RBFOX1: variants seen among roughly 807,000 people sequenced by gnomAD.
RBFOX1 encodes RNA binding protein fox-1 homolog 1.
RBFOX1 carries 8 observed loss-of-function variants against 57.7 expected under a neutral mutation model. That is an observed-to-expected ratio of 0.14 (90% confidence interval 0.08 to 0.25). RBFOX1 has a LOEUF of 0.25. Among genes scored for constraint, RBFOX1 ranks in the 10% least tolerant of loss-of-function variants. The probability of loss-of-function intolerance (pLI) is 1.00; values close to 1 mark genes in which losing one functional copy is unlikely to be tolerated. For missense variants in RBFOX1, 611 were observed against 548.5 expected (o/e 1.11, Z -1.14); for synonymous variants, 326 against 222.4 (o/e 1.47, Z -4.15).
chr16:7,056,774 C>G (rs2052434896), intron 4 of RBFOX1, among the ~76,000 whole-genome samples: 3 of 152,092 alleles, frequency 2.0e-5, no homozygotes, highest in Admixed American at 6.5e-5. Context: ...TAGAAAACTA[C>G]TAGGTAGCCA....
chr16:5,302,135 TGTCTTTTGGTTATCATACA>T (rs1192682895), intron 1 of RBFOX1, among the ~76,000 whole-genome samples: 1 of 152,186 alleles, frequency 6.6e-6, no homozygotes, highest in African/African-American at 2.4e-5. Context: ...TTCAATATAT[TGTCTTTTGGTTATCATACA>T]GTTCAAAGTA....
intron 3 of RBFOX1, among the ~76,000 whole-genome samples, chr16:6,784,050 T>C (rs920023453): frequency 1.9e-4 from 29 of 152,162 alleles, no homozygotes; most frequent in African/African-American, 6.8e-4. Context: ...TATTTTCTCC[T>C]GCTACTCTTA....
chr16:5,740,690 A>G (rs902276333), intron 3 of RBFOX1, among the ~76,000 whole-genome samples: 2 of 152,188 alleles, frequency 1.3e-5, no homozygotes, highest in South Asian at 4.1e-4. Context: ...TCTACTTCCC[A>G]TATCTCAGTA....
intron 3 of RBFOX1, among the ~76,000 whole-genome samples, chr16:6,715,784 C>G (rs1178265454): frequency 6.6e-6 from 1 of 152,132 alleles, no homozygotes; most frequent in Non-Finnish European, 1.5e-5. Context: ...CATTTTAAAC[C>G]CTTTCAGCTA....
chr16:6,435,630 C>G (rs1338797254), intron 2 of RBFOX1, among the ~76,000 whole-genome samples: 7 of 152,078 alleles, frequency 4.6e-5, no homozygotes, highest in African/African-American at 1.7e-4. Flanking sequence ...AGCATCTACC[C>G]CCAGCAAGAT....
chr16:5,761,216 G>C (rs1248589997), intron 3 of RBFOX1, among the ~76,000 whole-genome samples: 1 of 152,150 alleles, frequency 6.6e-6, no homozygotes, highest in Non-Finnish European at 1.5e-5. Flanking sequence ...ACATGGTGAT[G>C]CACATCTTGT....
chr16:6,789,222 A>G (rs1378577250), intron 3 of RBFOX1, among the ~76,000 whole-genome samples: 1 of 152,176 alleles, frequency 6.6e-6, no homozygotes, highest in African/African-American at 2.4e-5. Flanking sequence ...GCACGTGACA[A>G]GATGAATGTC....
At chr16:5,241,952 A>G (rs2062178567) in intron 1 of RBFOX1, among the ~76,000 whole-genome samples, 1 of 151,940 alleles carries the variant, frequency 6.6e-6, no homozygotes, top group Admixed American at 6.6e-5. Flanking sequence ...AAAAAAAATA[A>G]TAATAATAAA....
chr16:6,484,887 C>T (rs182007465), intron 2 of RBFOX1, among the ~76,000 whole-genome samples: 2 of 152,120 alleles, frequency 1.3e-5, no homozygotes, highest in African/African-American at 2.4e-5. Context: ...GAAATGAATG[C>T]GGTTTATTGC....
intron 3 of RBFOX1, among the ~76,000 whole-genome samples, chr16:6,797,193 G>A (rs188186536): frequency 1.3e-5 from 2 of 152,250 alleles, no homozygotes; most frequent in East Asian, 3.9e-4. Flanking sequence ...AGTCTGAGTC[G>A]CCTATGTTTA....
chr16:5,851,591 A>G (rs2056898784), intron 3 of RBFOX1, among the ~76,000 whole-genome samples: 1 of 152,160 alleles, frequency 6.6e-6, no homozygotes, highest in Non-Finnish European at 1.5e-5. Context: ...GCAATTACCA[A>G]GTTTCTTCTC....
chr16:7,221,750 T>G (rs1767228308), intron 4 of RBFOX1, among the ~76,000 whole-genome samples: 1 of 152,210 alleles, frequency 6.6e-6, no homozygotes, highest in African/African-American at 2.4e-5. Flanking sequence ...GGTTATTCAA[T>G]GGCCATCAAA....
intron 4 of RBFOX1, among the ~76,000 whole-genome samples, chr16:7,323,799 G>A (rs1410711726): frequency 6.6e-6 from 1 of 152,222 alleles, no homozygotes; most frequent in Non-Finnish European, 1.5e-5. Flanking sequence ...AGATGAAGAT[G>A]TAGGAGGAAG....
intron 3 of RBFOX1, among the ~76,000 whole-genome samples, chr16:5,771,569 T>C (rs2053977901): frequency 6.6e-6 from 1 of 152,146 alleles, no homozygotes; most frequent in Non-Finnish European, 1.5e-5. Flanking sequence ...CCACCATGCC[T>C]GGCTAATTTT....
At chr16:5,310,789 T>C (rs1456305195) in intron 1 of RBFOX1, among the ~76,000 whole-genome samples, 1 of 152,226 alleles carries the variant, frequency 6.6e-6, no homozygotes, top group African/African-American at 2.4e-5. Context: ...GTTTGCATTA[T>C]TTTTCAGAAG....
At chr16:5,677,626 C>G (rs150352701) in intron 3 of RBFOX1, among the ~76,000 whole-genome samples, 1 of 152,192 alleles carries the variant, frequency 6.6e-6, no homozygotes, top group Non-Finnish European at 1.5e-5. Flanking sequence ...CAGAGAATGA[C>G]ACAGGCATAT....
chr16:7,014,163 G>T (rs2093788322), intron 3 of RBFOX1, among the ~76,000 whole-genome samples: 1 of 152,062 alleles, frequency 6.6e-6, no homozygotes. Context: ...CCAAGGTGCT[G>T]AAACTTTGAC....
intron 2 of RBFOX1, among the ~76,000 whole-genome samples, chr16:6,474,803 C>G (rs2095247500): frequency 6.6e-6 from 1 of 152,140 alleles, no homozygotes; most frequent in Non-Finnish European, 1.5e-5. Context: ...AACTTAAATA[C>G]GGTGCCCACT....
intron 1 of RBFOX1, among the ~76,000 whole-genome samples, chr16:6,287,288 A>G (rs1169297923): frequency 2.0e-5 from 3 of 152,156 alleles, no homozygotes; most frequent in Non-Finnish European, 4.4e-5. Context: ...GTGCCACCAA[A>G]AATAGTCATG....
Sources: gnomAD v4.1 joint callset for allele counts (sites outside exome capture counted in the v4.1 genomes callset) on GRCh38, gnomAD v4.1.1 for gene constraint, MANE v1.5 for transcripts, NCBI Gene and HGNC (gene_info 2026-07-23, HGNC 2026-07-21) for gene names.